Variants in NGF observed in about 807,000 individuals in gnomAD.
NGF encodes nerve growth factor.
Under a neutral mutation model 12.8 loss-of-function variants are expected in NGF, and 4 were observed. That is an observed-to-expected ratio of 0.31 (90% CI 0.15 to 0.72). The LOEUF (loss-of-function observed/expected upper bound fraction) is 0.72, where lower values mean the gene tolerates loss of function less well. NGF is among the 30% of genes least tolerant of loss of function. NGF has a pLI of 0.69. For synonymous variants in NGF, 140 were observed against 130.0 expected (o/e 1.08, Z -0.52); for missense variants, 283 against 330.8 (o/e 0.86, Z 1.12).
chr1:115,331,020 C>A (rs918026928), intron 1 of NGF, among the ~76,000 whole-genome samples: 7 of 152,036 alleles, frequency 4.6e-5, no homozygotes, highest in Admixed American at 1.3e-4. Flanking sequence ...ATAACCCAGA[C>A]CTCCTGTGCT....
At chr1:115,337,256 GTTTTGTT>G (rs1557950704) in intron 1 of NGF, among the ~76,000 whole-genome samples, 25 of 27,200 alleles carry the variant, frequency 9.2e-4, no homozygotes, top group African/African-American at 4.0e-3. Flanking sequence ...AATTTTTTTT[GTTTTGTT>G]TTTGTTTTTT....
At chr1:115,321,144 C>G (rs2101048058) in intron 1 of NGF, among the ~76,000 whole-genome samples, 1 of 152,322 alleles carries the variant, frequency 6.6e-6, no homozygotes, top group East Asian at 1.9e-4. Flanking sequence ...TGACACTTAG[C>G]ACGTGGAAAT....
intron 2 of NGF, among the ~76,000 whole-genome samples, chr1:115,288,688 TG>T (rs1325305622): frequency 6.6e-6 from 1 of 152,244 alleles, no homozygotes; most frequent in Non-Finnish European, 1.5e-5. Flanking sequence ...TTAACTTGTC[TG>T]TCTCCCTGAG....
At chr1:115,289,603 C>A (rs1032870660) in intron 2 of NGF, among the ~76,000 whole-genome samples, 6 of 152,154 alleles carry the variant, frequency 3.9e-5, no homozygotes, top group Admixed American at 3.9e-4. Context: ...TGCAAGACAT[C>A]CAAAACAAAA....
chr1:115,301,586 A>G (rs1389917651), intron 1 of NGF, among the ~76,000 whole-genome samples: 2 of 152,206 alleles, frequency 1.3e-5, no homozygotes, highest in African/African-American at 4.8e-5. Flanking sequence ...TCTGGCAGGA[A>G]GAAATCGCCG....
intron 1 of NGF, among the ~76,000 whole-genome samples, chr1:115,309,291 A>G (rs1654281770): frequency 6.6e-6 from 1 of 152,222 alleles, no homozygotes; most frequent in Admixed American, 6.5e-5. Context: ...TTAAATACAG[A>G]CACAGGGGAA....
chr1:115,295,553 C>T (rs1291953629), intron 1 of NGF, among the ~76,000 whole-genome samples: 1 of 152,046 alleles, frequency 6.6e-6, no homozygotes, highest in Non-Finnish European at 1.5e-5. Context: ...GTCCATAAAC[C>T]CTTCATCTGG....
chr1:115,300,603 A>G (rs1014548535), intron 1 of NGF, among the ~76,000 whole-genome samples: 3 of 152,260 alleles, frequency 2.0e-5, no homozygotes, highest in African/African-American at 7.2e-5. Context: ...GACAGCTGCC[A>G]TCGCGTCTTG....
rs1049080871 is a variant in NGF at position 115,286,034 on chromosome 1, T to A, written c.*36A>T. The A allele has an allele frequency of 6.2e-7, 1 of 1,609,392 alleles. No individual in the cohort carries two copies. Among genetic ancestry groups the A allele is most frequent in the Non-Finnish European group, 8.5e-7 (1 of 1,178,344 alleles). On this transcript the variant is annotated 3_prime_UTR_variant, in exon 3 of 3. Coordinates refer to ENST00000369512, the MANE Select transcript of NGF (RefSeq NM_002506.3). ...TGAGGTAGGGAGGGGCCCAGGAGAG[T>A]GTAGAAGGGGCAGGGGGAGGGAGCG...
intron 1 of NGF, among the ~76,000 whole-genome samples, chr1:115,334,170 T>G (rs1655043263): frequency 6.6e-6 from 1 of 152,158 alleles, no homozygotes; most frequent in African/African-American, 2.4e-5. Flanking sequence ...TTATCAATTC[T>G]CATTTATTTT....
intron 1 of NGF, among the ~76,000 whole-genome samples, chr1:115,299,769 C>A (rs1653978305): frequency 6.6e-6 from 1 of 152,166 alleles, no homozygotes; most frequent in South Asian, 2.1e-4. Flanking sequence ...AAAACATCTC[C>A]TTGGTTCCAA....
At chr1:115,325,692 G>A (rs1396584067) in intron 1 of NGF, among the ~76,000 whole-genome samples, 1 of 152,112 alleles carries the variant, frequency 6.6e-6, no homozygotes, top group East Asian at 1.9e-4. Flanking sequence ...AACAGCAGAG[G>A]CAGGAGATGC....
At chr1:115,319,831 G>A (rs1193170530) in intron 1 of NGF, among the ~76,000 whole-genome samples, 1 of 152,154 alleles carries the variant, frequency 6.6e-6, no homozygotes, top group Non-Finnish European at 1.5e-5. Context: ...CCTCAGCCAG[G>A]CCCTGAATTC....
intron 1 of NGF, among the ~76,000 whole-genome samples, chr1:115,336,589 CAAA>C (rs1655115135): frequency 6.6e-6 from 1 of 152,198 alleles, no homozygotes; most frequent in Non-Finnish European, 1.5e-5. Flanking sequence ...ACTTATTCAA[CAAA>C]AGAGACCCAT....
chr1:115,301,471 T>C (rs1017728659), intron 1 of NGF, among the ~76,000 whole-genome samples: 8 of 152,200 alleles, frequency 5.3e-5, no homozygotes, highest in African/African-American at 1.9e-4. Context: ...CTTATTAATA[T>C]CATTAAAGAC....
At chr1:115,300,807 G>C (rs958236569) in intron 1 of NGF, among the ~76,000 whole-genome samples, 1 of 152,344 alleles carries the variant, frequency 6.6e-6, no homozygotes, top group Non-Finnish European at 1.5e-5. Flanking sequence ...TTGTCAGGGG[G>C]CTTTGTGCTG....
chr1:115,292,864 T>C (rs995861369), intron 2 of NGF, among the ~76,000 whole-genome samples: 1 of 152,196 alleles, frequency 6.6e-6, no homozygotes, highest in Middle Eastern at 3.4e-3. Flanking sequence ...AGACTTGATC[T>C]AAAAGCACTT....
intron 1 of NGF, among the ~76,000 whole-genome samples, chr1:115,331,802 C>T (rs975719395): frequency 2.0e-5 from 3 of 152,198 alleles, no homozygotes; most frequent in Admixed American, 1.3e-4. Flanking sequence ...TGAGCAAGCT[C>T]CTTGGGGCAG....
Position 115,286,052 on chromosome 1 carries a change from A to G in NGF, c.*18T>C, listed in dbSNP as rs1557933233. On this transcript the variant is annotated 3_prime_UTR_variant, in exon 3 of 3. Coordinates refer to ENST00000369512, the MANE Select transcript of NGF (RefSeq NM_002506.3). ...AGGAGAGTGTAGAAGGGGCAGGGGG[A>G]GGGAGCGTGTCGGCAGGTCAGGCTC... 1.2e-6 allele frequency: 2 copies of G among 1,610,840 alleles called. No homozygotes were observed. The highest frequency in any genetic ancestry group is 1.1e-5 in the South Asian group (1 of 90,658).
Sources: gnomAD v4.1 joint callset for allele counts (sites outside exome capture counted in the v4.1 genomes callset) on GRCh38, gnomAD v4.1.1 for gene constraint, MANE v1.5 for transcripts, NCBI Gene and HGNC (gene_info 2026-07-23, HGNC 2026-07-21) for gene names.